MARS1: variants seen among roughly 807,000 people sequenced by gnomAD.
MARS1 encodes the protein methionine--tRNA ligase, cytoplasmic.
A neutral mutation model predicts 119.5 loss-of-function variants in MARS1; 80 were observed. That is an observed-to-expected ratio of 0.67 (90% CI 0.56 to 0.81). The LOEUF (loss-of-function observed/expected upper bound fraction) is 0.81, where lower values mean the gene tolerates loss of function less well. MARS1 is among the 30% of genes least tolerant of loss of function. The pLI is 0.00. For synonymous variants in MARS1, 418 were observed against 433.4 expected (o/e 0.96, Z 0.44); for missense variants, 945 against 1,116.5 (o/e 0.85, Z 2.19).
intron 11 of MARS1, among the ~76,000 whole-genome samples, chr12:57,508,897 T>C (rs1051897613): frequency 1.1e-4 from 16 of 152,178 alleles, no homozygotes; most frequent in Admixed American, 5.9e-4. Flanking sequence ...TGCAATACTT[T>C]GCTCTTCGTG....
rs1399331303 is a variant in MARS1, at chr12:57,515,138, C to T, written c.2205-12C>T. 1 of 1,614,150 alleles carries T rather than the reference C, an allele frequency of 6.2e-7. No homozygotes were observed. ...CTCCTGGAGGTCTTGACTAATGTCT[C>T]CTCTTCCTCAGGCAACGGGCAGGAA... is the stretch of plus-strand genomic sequence containing the variant. On this transcript the variant is annotated splice_polypyrimidine_tract_variant and intron_variant, in intron 17 of 20. Transcript: ENST00000262027.
chr12:57,516,093 C>T (rs1877802351), intron 19 of MARS1, 102 bp downstream of exon 19: 1 of 1,411,148 alleles, frequency 7.1e-7, no homozygotes, highest in Non-Finnish European at 1.0e-6. Context: ...CATCTTTTGG[C>T]CCTGCCGCTT....
intron 11 of MARS1, among the ~76,000 whole-genome samples, chr12:57,508,222 G>C (rs1877320997): frequency 6.6e-6 from 1 of 152,108 alleles, no homozygotes; most frequent in Non-Finnish European, 1.5e-5. Context: ...GACGATGGGT[G>C]GCCAGGCAGA....
chr12:57,506,070 C>G (rs1388453482), intron 11 of MARS1, among the ~76,000 whole-genome samples: 1 of 152,022 alleles, frequency 6.6e-6, no homozygotes, highest in Non-Finnish European at 1.5e-5. Flanking sequence ...CCAGCCTGGG[C>G]AACATGGTGA....
At chr12:57,502,637 T>G in intron 10 of MARS1, among the ~76,000 whole-genome samples, 1 of 129,898 alleles carries the variant, frequency 7.7e-6, no homozygotes, top group African/African-American at 3.0e-5. Flanking sequence ...ACCTGGGAGG[T>G]GGAGGTTTCA....
chr12:57,496,177 CT>C (rs58223781), intron 7 of MARS1, among the ~76,000 whole-genome samples: 313 of 137,506 alleles, frequency 2.3e-3, no homozygotes, highest in Non-Finnish European at 2.3e-3. Context: ...TAAGCACTTT[CT>C]TTTTTTTTTT....
Position 57,489,496 on chromosome 12 carries a change from C to A in MARS1, c.352C>A (p.Arg118=). ...GGGGGAAGATGTTCTTGGTTCAGTG[C>A]GGAGAGCCCTGACTCACATTGACCA... ...KKGEDVLGSV[R]RALTHIDHSL... Residue 118 remains arginine (R), a synonymous_variant, in exon 4 of 21, where the codon CGG becomes AGG. Transcript: ENST00000262027. 1 of 1,614,126 alleles carries A rather than the reference C, an allele frequency of 6.2e-7. No individual in the cohort carries two copies.
chr12:57,512,217 C>T lies in MARS1; in HGVS notation c.1636-19C>T. Reference sequence around the variant, plus strand: ...TTGAAGGAGGTCTCAGGAAATCTCTCCTAACCACATTCCCCTAGGTGGACC... The same window carrying T: ...TTGAAGGAGGTCTCAGGAAATCTCTTCTAACCACATTCCCCTAGGTGGACC... On this transcript the variant is annotated intron_variant, in intron 13 of 20. Coordinates refer to ENST00000262027, the MANE Select transcript of MARS1 (RefSeq NM_004990.4). 1.2e-6 allele frequency: 2 copies of T among 1,610,044 alleles called. No individual in the cohort carries two copies. Among genetic ancestry groups the T allele is most frequent in the Non-Finnish European group, 1.7e-6 (2 of 1,176,320 alleles).
intron 7 of MARS1, among the ~76,000 whole-genome samples, chr12:57,494,712 A>T (rs1185702628): frequency 6.6e-6 from 1 of 151,778 alleles, no homozygotes; most frequent in Non-Finnish European, 1.5e-5. Context: ...GATGACTCTT[A>T]ACGAGCATGC....
intron 9 of MARS1, chr12:57,499,977 A>G (rs1334939428): frequency 3.2e-6 from 1 of 311,406 alleles, no homozygotes. Flanking sequence ...TTAGTTTAGC[A>G]CTTGGACTGA....
intron 7 of MARS1, among the ~76,000 whole-genome samples, chr12:57,493,318 A>G (rs1594811047): frequency 9.8e-6 from 1 of 101,954 alleles, no homozygotes; most frequent in Non-Finnish European, 1.8e-5. Flanking sequence ...TATATTATAT[A>G]ATATATTATA....
intron 7 of MARS1, among the ~76,000 whole-genome samples, chr12:57,493,377 T>A (rs11172237): frequency 4.2e-5 from 1 of 23,766 alleles, no homozygotes; most frequent in South Asian, 1.6e-3. Context: ...ATAATATATA[T>A]TATATAATAT....
chr12:57,503,985 G>GT (rs900190801), intron 10 of MARS1: 54 of 539,920 alleles, frequency 1.0e-4, no homozygotes, highest in Non-Finnish European at 1.2e-4. Flanking sequence ...TTCAGAGAAT[G>GT]TTTTTTTTAC....
At position 57,515,926 on chromosome 12, in the gene MARS1, C is replaced by G; in HGVS notation, c.2398C>G (p.Pro800Ala). The G allele has an allele frequency of 6.2e-7, 1 of 1,613,750 alleles. No individual in the cohort carries two copies. The highest frequency in any genetic ancestry group is 1.1e-5 in the South Asian group (1 of 91,056). The change falls in exon 19 of 21, where the codon CCC becomes GCC. Residue 800 changes from proline to alanine, a missense_variant. Coordinates refer to ENST00000262027, the MANE Select transcript of MARS1 (RefSeq NM_004990.4). The part of the protein sequence containing the change: ...PAGHQIGTVS[P>A]LFQKLENDQI... ...TGGAACTCTTTTTTTACAGGTCAGTCCCTTGTTCCAAAAATTGGAAAATGA... is the reference window on the plus strand; with the variant it reads ...TGGAACTCTTTTTTTACAGGTCAGTGCCTTGTTCCAAAAATTGGAAAATGA...
chr12:57,498,575 A>C lies in MARS1; in HGVS notation c.1043A>C (p.Asn348Thr), dbSNP rs781533160. The change falls in exon 9 of 21, where the codon AAC (asparagine) becomes ACC (threonine). Residue 348 changes from asparagine (N) to threonine (T), a missense_variant. Physicochemically the swap from Asn to Thr is moderately conservative, Grantham distance 65. Transcript: ENST00000262027. The part of the protein sequence containing the change: ...IIHADIYRWF[N>T]ISFDIFGRTT... ...CATGCTGACATCTACCGCTGGTTTA[A>C]CATTTCGTTTGATATTTTTGGTCGC... is the stretch of plus-strand genomic sequence containing the variant. 6.2e-7 allele frequency: 1 copy of C among 1,614,192 alleles called. No homozygotes were observed. Among genetic ancestry groups the C allele is most frequent in the South Asian group, 1.1e-5 (1 of 91,082 alleles).
At chr12:57,513,008 G>C (rs1464195146) in intron 15 of MARS1, 44 bp downstream of exon 15, 2 of 1,534,314 alleles carry the variant, frequency 1.3e-6, no homozygotes, top group South Asian at 2.2e-5. Flanking sequence ...AGCTGGGGTG[G>C]GGCTCATTTT....
At chr12:57,510,796 G>A (rs932830816) in intron 11 of MARS1, among the ~76,000 whole-genome samples, 14 of 151,952 alleles carry the variant, frequency 9.2e-5, no homozygotes, top group East Asian at 3.9e-4. Context: ...GGTTGGGCAC[G>A]GTGGCTTATG....
intron 16 of MARS1, 45 bp downstream of exon 16, chr12:57,514,896 C>G: frequency 6.2e-7 from 1 of 1,613,190 alleles, no homozygotes; most frequent in Non-Finnish European, 8.5e-7. Context: ...ATGTTGAGAG[C>G]CTCCTTGTAT....
chr12:57,496,777 C>CAA (rs780162798), intron 7 of MARS1, among the ~76,000 whole-genome samples: 13 of 78,816 alleles, frequency 1.6e-4, no homozygotes, highest in African/African-American at 3.9e-4. Context: ...ACCCTGTCTC[C>CAA]AAAAAAAAAA....
Sources: allele counts gnomAD v4.1 joint callset (sites outside exome capture counted in the v4.1 genomes callset), GRCh38; gene constraint gnomAD v4.1.1; transcripts MANE v1.5; gene names NCBI Gene and HGNC (gene_info 2026-07-23, HGNC 2026-07-21).